The following CHCHD2 variants were observed in gnomAD, a reference collection of about 807,000 sequenced individuals.
The protein encoded by CHCHD2 is coiled-coil-helix-coiled-coil-helix domain-containing protein 2.
CHCHD2 carries 17 observed loss-of-function variants against 17.5 expected under a neutral mutation model. That is an observed-to-expected ratio of 0.97 (90% CI 0.67 to 1.46). The LOEUF (loss-of-function observed/expected upper bound fraction) is 1.46, where lower values mean the gene tolerates loss of function less well. CHCHD2 is among the 40% of genes most tolerant of loss of function. The pLI is 0.00. For synonymous variants in CHCHD2, 63 were observed against 74.3 expected (o/e 0.85, Z 0.78); for missense variants, 175 against 199.9 (o/e 0.88, Z 0.75).
In CHCHD2 at chr7:56,101,748, A is replaced by C. The variant is rs1353695472; in HGVS notation, c.*103T>G. The C allele has an allele frequency of 1.6e-5, 17 of 1,090,378 alleles. No individual in the cohort carries two copies. The highest frequency in any genetic ancestry group is 2.2e-5 in the Non-Finnish European group (16 of 727,402). 67.5% of individuals were successfully genotyped at this position (1,090,378 alleles called of 1,614,324 possible). On this transcript the variant is annotated 3_prime_UTR_variant, in exon 4 of 4. Coordinates refer to ENST00000395422, the MANE Select transcript of CHCHD2 (RefSeq NM_016139.4). ...AGCCAGGAATGACAGGAGAGGTTTA[A>C]CTGATGGTTACACTTTATACCCTCA... is the stretch of plus-strand genomic sequence containing the variant.
chr7:56,106,463 G>C lies in CHCHD2; in HGVS notation c.-50C>G. The C allele has an allele frequency of 6.3e-7, 1 of 1,583,750 alleles. No homozygotes were observed. Among genetic ancestry groups the C allele is most frequent in the Non-Finnish European group, 8.7e-7 (1 of 1,153,098 alleles). ...CCGGACGTGGGACAACCACCGAAGA[G>C]CTAAGCGACTTCTGAGGAGACCGGA... is the stretch of plus-strand genomic sequence containing the variant. On this transcript the variant is annotated 5_prime_UTR_variant, in exon 1 of 4. Transcript: ENST00000395422.
intron 1 of CHCHD2, among the ~76,000 whole-genome samples, chr7:56,105,660 G>T (rs550891681): frequency 6.6e-6 from 1 of 152,242 alleles, no homozygotes; most frequent in African/African-American, 2.4e-5. Flanking sequence ...CACAGGTGGC[G>T]CATGCCTGTA....
At chr7:56,104,547 C>T in intron 1 of CHCHD2, 72 bp from the exon 2 acceptor site, 1 of 1,377,142 alleles carries the variant, frequency 7.3e-7, no homozygotes, top group East Asian at 2.5e-5. Flanking sequence ...CTTAAAATAA[C>T]TTACATATTA....
intron 2 of CHCHD2, among the ~76,000 whole-genome samples, chr7:56,103,914 T>A (rs1342779895): frequency 1.3e-5 from 2 of 152,194 alleles, no homozygotes; most frequent in African/African-American, 2.4e-5. Flanking sequence ...ATTTGTTAAC[T>A]AAGATCAAGA....
chr7:56,102,302 T>C (rs1584643134), intron 3 of CHCHD2, among the ~76,000 whole-genome samples: 1 of 152,080 alleles, frequency 6.6e-6, no homozygotes, highest in East Asian at 1.9e-4. Context: ...GAAGGTCACT[T>C]ACATCCAGTA....
chr7:56,101,965 G>C (rs767844659), intron 3 of CHCHD2, 104 bp from the exon 4 acceptor site: 10 of 1,170,814 alleles, frequency 8.5e-6, no homozygotes, highest in Non-Finnish European at 1.2e-5. Context: ...CAAGGCTATG[G>C]GTTTTTTGTT....
At chr7:56,103,199 G>A (rs537727051) in intron 2 of CHCHD2, among the ~76,000 whole-genome samples, 188 bp from the exon 3 acceptor site, 1 of 152,286 alleles carries the variant, frequency 6.6e-6, no homozygotes, top group South Asian at 2.1e-4. Context: ...AATATTTTAG[G>A]CCAAACATGG....
chr7:56,105,978 C>T (rs1001057228), intron 1 of CHCHD2, among the ~76,000 whole-genome samples: 1 of 152,168 alleles, frequency 6.6e-6, no homozygotes, highest in Non-Finnish European at 1.5e-5. Context: ...TTTCGAGACC[C>T]CTTCTCAAAT....
In CHCHD2 at chr7:56,104,308, C is replaced by T. The variant is rs1562888480; in HGVS notation, c.218G>A (p.Gly73Glu). The T allele has an allele frequency of 3.1e-6, 5 of 1,613,828 alleles. No individual in the cohort carries two copies. The highest frequency in any genetic ancestry group is 1.3e-5 in the African/African-American group (1 of 75,034). ...AGTAATGGCGTGACCCAATGTGTGCCCCACAGCAGAGCCCACAGCCACGCC... is the reference window on the plus strand; with the variant it reads ...AGTAATGGCGTGACCCAATGTGTGCTCCACAGCAGAGCCCACAGCCACGCC... ...AAGVAVGSAV[G>E]HTLGHAITGG... The change falls in exon 2 of 4, where the codon GGG (glycine) becomes GAG (glutamate). Residue 73 changes from glycine (G) to glutamate (E), a missense_variant. Gly to Glu is a moderately conservative substitution (Grantham distance 98, BLOSUM62 -2). Transcript: ENST00000395422.
intron 3 of CHCHD2, 28 bp from the exon 4 acceptor site, chr7:56,101,889 G>A: frequency 6.2e-7 from 1 of 1,610,014 alleles, no homozygotes; most frequent in Non-Finnish European, 8.5e-7. Context: ...TAAGTTAGAA[G>A]AATGCTAGCT....
intron 2 of CHCHD2, 45 bp from the exon 3 acceptor site, chr7:56,103,056 C>T: frequency 6.2e-7 from 1 of 1,608,054 alleles, no homozygotes; most frequent in Non-Finnish European, 8.5e-7. Context: ...GAAAATCATA[C>T]TTATGCCTAG....
rs375311630 is a variant in CHCHD2 at position 56,101,915 on chromosome 7, A to C, written c.446-54T>G. 1.9e-6 allele frequency: 3 copies of C among 1,547,946 alleles called. No homozygotes were observed. The African/African-American group carries it at 4.1e-5, about 21-fold the overall frequency. On this transcript the variant is annotated intron_variant, in intron 3 of 3. Coordinates refer to ENST00000395422, the MANE Select transcript of CHCHD2 (RefSeq NM_016139.4). Reference sequence around the variant, plus strand: ...AATGCTAGCTTCGTATACTCAATAAAACAGAAGCCTTCCAAATTATGAAAG... The same window carrying C: ...AATGCTAGCTTCGTATACTCAATAACACAGAAGCCTTCCAAATTATGAAAG...
At chr7:56,104,710 C>T (rs1449610415) in intron 1 of CHCHD2, among the ~76,000 whole-genome samples, 5 of 152,020 alleles carry the variant, frequency 3.3e-5, no homozygotes, top group Non-Finnish European at 5.9e-5. Context: ...CAGACTCAAG[C>T]GATTCTCTTG....
At chr7:56,106,319 G>A (rs750193744) in intron 1 of CHCHD2, 45 bp downstream of exon 1, 9 of 1,599,578 alleles carry the variant, frequency 5.6e-6, no homozygotes, top group Middle Eastern at 2.0e-4. Context: ...CCCCAGTAGA[G>A]TCCGGACGGC....
chr7:56,104,202 G>A (rs759717868), intron 2 of CHCHD2, 24 bp downstream of exon 2: 3 of 1,608,780 alleles, frequency 1.9e-6, no homozygotes, highest in African/African-American at 1.3e-5. Flanking sequence ...ACCCATGGAA[G>A]GGAAATGCTG....
intron 3 of CHCHD2, 129 bp from the exon 4 acceptor site, chr7:56,101,990 G>T (rs1188722706): frequency 2.3e-5 from 20 of 883,726 alleles, no homozygotes; most frequent in Middle Eastern, 2.3e-4. Context: ...GTTTTTTTTT[G>T]ATAAAAAATA....
chr7:56,102,262 T>A (rs897649325), intron 3 of CHCHD2, among the ~76,000 whole-genome samples: 6 of 152,190 alleles, frequency 3.9e-5, no homozygotes, highest in South Asian at 4.1e-4. Flanking sequence ...GAAAACAGAA[T>A]CTAATCTTAT....
chr7:56,103,067 A>T, intron 2 of CHCHD2, 56 bp from the exon 3 acceptor site: 1 of 1,590,986 alleles, frequency 6.3e-7, no homozygotes, highest in Non-Finnish European at 8.6e-7. Context: ...TTATGCCTAG[A>T]CAATGAAGAG....
intron 1 of CHCHD2, 125 bp downstream of exon 1, chr7:56,106,239 T>A: frequency 1.3e-6 from 1 of 798,626 alleles, no homozygotes; most frequent in Non-Finnish European, 2.0e-6. Flanking sequence ...TACCCCCGCC[T>A]GGCAGAGGCG....
Sources: allele counts gnomAD v4.1 joint callset (sites outside exome capture counted in the v4.1 genomes callset), GRCh38; gene constraint gnomAD v4.1.1; transcripts MANE v1.5; gene names NCBI Gene and HGNC (gene_info 2026-07-23, HGNC 2026-07-21).